Variants in MALRD1 observed in about 807,000 individuals in gnomAD.
MALRD1 encodes MAM and LDL receptor class A domain containing 1, also known as MAM and LDL-receptor class A domain-containing protein 1.
A neutral mutation model predicts 242.1 loss-of-function variants in MALRD1; 247 were observed. The observed-to-expected ratio is 1.02, with a 90% CI of 0.92 to 1.13. The LOEUF (loss-of-function observed/expected upper bound fraction) is 1.13. Among genes scored for constraint, MALRD1 ranks in the 50% most tolerant of loss-of-function variants. The pLI, the probability that MALRD1 is intolerant of heterozygous loss-of-function variation, is 0.00. For synonymous variants in MALRD1, 995 were observed against 866.6 expected (o/e 1.15, Z -2.60); for missense variants, 2,989 against 2,533.1 (o/e 1.18, Z -3.86).
Position 19,204,300 on chromosome 10 carries a change from C to G in MALRD1, c.2105-8C>G. 4 of 1,011,812 alleles carry G rather than the reference C, an allele frequency of 4.0e-6. No homozygotes were observed. The highest frequency in any genetic ancestry group is 3.6e-5 in the East Asian group (1 of 27,474). 62.7% of individuals were successfully genotyped at this position (1,011,812 alleles called of 1,614,324 possible). A position where few individuals can be genotyped will look rare whatever the true frequency, so the allele number is the denominator to read the frequency against. On this transcript the variant is annotated splice_region_variant and splice_polypyrimidine_tract_variant and intron_variant, in intron 15 of 39. Transcript: ENST00000454679. ...TGAAGCGTTTTTTTTTTTTTTTTAT[C>G]TCAACAGGGCATTTTATGTTCATTC...
intron 36 of MALRD1, among the ~76,000 whole-genome samples, chr10:19,680,080 A>G (rs1842305918): frequency 1.3e-5 from 2 of 152,138 alleles, no homozygotes. Context: ...TTTTAGAGTT[A>G]GTACCATGTG....
intron 4 of MALRD1, among the ~76,000 whole-genome samples, chr10:19,095,771 A>T (rs568713833): frequency 1.3e-5 from 2 of 152,252 alleles, no homozygotes; most frequent in East Asian, 3.9e-4. Context: ...CCGCTGGAGA[A>T]GTTATTTTAT....
intron 21 of MALRD1, among the ~76,000 whole-genome samples, chr10:19,294,054 A>C (rs1184648234): frequency 6.6e-6 from 1 of 152,188 alleles, no homozygotes; most frequent in African/African-American, 2.4e-5. Context: ...TTAAGAAGGT[A>C]GTCATAAAAA....
chr10:19,065,567 T>C (rs969984439), intron 1 of MALRD1, among the ~76,000 whole-genome samples: 2 of 152,294 alleles, frequency 1.3e-5, no homozygotes, highest in Non-Finnish European at 2.9e-5. Context: ...GAACAAGTCC[T>C]ATCATTCCCC....
chr10:19,047,959 A>G (rs568694369), upstream of MALRD1, among the ~76,000 whole-genome samples: 1 of 152,346 alleles, frequency 6.6e-6, no homozygotes, highest in African/African-American at 2.4e-5. Context: ...TAAGAAATCA[A>G]ATATAAAGCA....
chr10:19,266,186 G>A (rs1486764268), intron 19 of MALRD1, among the ~76,000 whole-genome samples: 1 of 150,844 alleles, frequency 6.6e-6, no homozygotes, highest in Non-Finnish European at 1.5e-5. Context: ...ATGTCTTTTT[G>A]TTGTAGAATG....
chr10:19,261,446 T>TAAAAAAA (rs531115191), intron 19 of MALRD1, among the ~76,000 whole-genome samples: 46 of 135,038 alleles, frequency 3.4e-4, no homozygotes, highest in African/African-American at 1.2e-3. Context: ...GAGCTCTACG[T>TAAAAAAA]AAAAAAAAAA....
In MALRD1 at chr10:19,165,770, A is replaced by G. The variant is rs1834662539; in HGVS notation, c.1790A>G (p.Asp597Gly). 2 of 1,231,712 alleles carry G rather than the reference A, an allele frequency of 1.6e-6. No homozygotes were observed. Among genetic ancestry groups the G allele is most frequent in the East Asian group, 3.2e-5 (1 of 31,690 alleles). 76.3% of individuals were successfully genotyped at this position (1,231,712 alleles called of 1,614,324 possible). ...TCTCAGTGGAGCCACGCAAAAATTG[A>G]TCTCATTGCAGAAGCGGGAGAATCT... Reference protein sequence around the residue: ...SESQWSHAKIDLIAEAGESTL... With the variant: ...SESQWSHAKIGLIAEAGESTL... The change falls in exon 13 of 40, where the codon GAT (aspartate) becomes GGT (glycine). Residue 597 changes from aspartate (D) to glycine (G), a missense_variant. Asp to Gly is a moderately conservative substitution (Grantham distance 94, BLOSUM62 -1). Coordinates refer to ENST00000454679, the MANE Select transcript of MALRD1 (RefSeq NM_001142308.3).
chr10:19,153,104 T>C (rs556010432), intron 11 of MALRD1, among the ~76,000 whole-genome samples: 1 of 152,332 alleles, frequency 6.6e-6, no homozygotes, highest in African/African-American at 2.4e-5. Context: ...CTTGACACTT[T>C]CATTTGTTGT....
intron 1 of MALRD1, among the ~76,000 whole-genome samples, chr10:19,056,271 C>T (rs1167024243): frequency 6.6e-6 from 1 of 151,002 alleles, no homozygotes; most frequent in Admixed American, 6.6e-5. Flanking sequence ...ATCTGTAGAT[C>T]GCTTTGAGTG....
intron 28 of MALRD1, among the ~76,000 whole-genome samples, chr10:19,394,184 A>G (rs1014875996): frequency 2.6e-5 from 4 of 152,168 alleles, no homozygotes; most frequent in Admixed American, 6.5e-5. Flanking sequence ...GAAAGACCAC[A>G]ATTAAATTAG....
At chr10:19,137,156 T>C (rs890887499) in intron 10 of MALRD1, among the ~76,000 whole-genome samples, 5 of 152,154 alleles carry the variant, frequency 3.3e-5, no homozygotes, top group African/African-American at 1.2e-4. Context: ...GTATGCTTTT[T>C]TCCTCTCTAG....
At position 19,084,478 on chromosome 10, in the gene MALRD1, A is replaced by G. The variant is rs16918216; in HGVS notation, c.341-3362A>G. On this transcript the variant is annotated intron_variant, in intron 2 of 39. Coordinates refer to ENST00000454679, the MANE Select transcript of MALRD1 (RefSeq NM_001142308.3). ...TCACTATTAAAATGCTCCTTTTTTG[A>G]ATTCCTTTGAGCCAATTGGTTACTC... Among the ~76,000 whole-genome samples, 1,113 of 151,702 alleles carry G rather than the reference A, an allele frequency of 7.3e-3. 11 individuals are homozygous for G. Among genetic ancestry groups the G allele is most frequent in the African/African-American group, 0.026 (1,071 of 41,386 alleles).
At chr10:19,424,366 G>T (rs1254113307) in intron 28 of MALRD1, among the ~76,000 whole-genome samples, 1 of 152,038 alleles carries the variant, frequency 6.6e-6, no homozygotes, top group East Asian at 1.9e-4. Context: ...CGCCATGTTG[G>T]CCAGTCTGGT....
chr10:19,438,515 C>A (rs1834452104), intron 28 of MALRD1, among the ~76,000 whole-genome samples: 1 of 152,182 alleles, frequency 6.6e-6, no homozygotes, highest in South Asian at 2.1e-4. Context: ...CAATTACTTA[C>A]CCAGAAACGT....
At chr10:19,535,093 C>T (rs1834602692) in intron 32 of MALRD1, among the ~76,000 whole-genome samples, 1 of 152,068 alleles carries the variant, frequency 6.6e-6, no homozygotes, top group African/African-American at 2.4e-5. Context: ...ACCATGTTGG[C>T]CAGGCTGGTC....
At chr10:19,536,983 G>A (rs1021356948) in intron 32 of MALRD1, among the ~76,000 whole-genome samples, 2 of 152,150 alleles carry the variant, frequency 1.3e-5, no homozygotes, top group African/African-American at 4.8e-5. Flanking sequence ...GAAGGAGCCA[G>A]CCTTGCGACT....
chr10:19,207,552 G>A (rs1032083376), intron 17 of MALRD1, among the ~76,000 whole-genome samples: 1 of 152,130 alleles, frequency 6.6e-6, no homozygotes, highest in African/African-American at 2.4e-5. Context: ...TTAGGCTGGA[G>A]TACAGTGGCA....
chr10:19,202,962 TAAC>T (rs1270041932), intron 14 of MALRD1, among the ~76,000 whole-genome samples: 1 of 152,142 alleles, frequency 6.6e-6, no homozygotes, highest in Admixed American at 6.6e-5. Context: ...TTTTGTAAAA[TAAC>T]AACAACAATA....
Sources: gnomAD v4.1 joint callset for allele counts (sites outside exome capture counted in the v4.1 genomes callset) on GRCh38, gnomAD v4.1.1 for gene constraint, MANE v1.5 for transcripts, NCBI Gene and HGNC (gene_info 2026-07-23, HGNC 2026-07-21) for gene names.